The following RNF138 variants were observed in gnomAD, a reference collection of about 807,000 sequenced individuals.
The protein encoded by RNF138 is ring finger protein 138.
In RNF138, 12 loss-of-function variants were observed where a neutral mutation model predicts 31.0. The observed-to-expected ratio is 0.39, with a 90% CI of 0.25 to 0.63. RNF138 has a LOEUF of 0.63. Among genes scored for constraint, RNF138 ranks in the 20% least tolerant of loss-of-function variants. The pLI is 0.52. For synonymous variants in RNF138, 105 were observed against 99.5 expected (o/e 1.06, Z -0.33); for missense variants, 192 against 300.1 (o/e 0.64, Z 2.66).
At chr18:32,113,711 T>C (rs768392287) in intron 3 of RNF138, 34 bp from the exon 4 acceptor site, 1 of 1,008,868 alleles carries the variant, frequency 9.9e-7, no homozygotes, top group Admixed American at 2.8e-5. Context: ...CGAGTTCTAT[T>C]TTAAATTAAA....
At chr18:32,102,481 G>A (rs530731855) in intron 2 of RNF138, among the ~76,000 whole-genome samples, 7 of 152,080 alleles carry the variant, frequency 4.6e-5, no homozygotes, top group Middle Eastern at 3.4e-3. Context: ...GATTACAGGC[G>A]TGAGCCACTG....
intron 2 of RNF138, among the ~76,000 whole-genome samples, chr18:32,106,943 GTC>G (rs1424857783): frequency 6.6e-6 from 1 of 151,922 alleles, no homozygotes; most frequent in African/African-American, 2.4e-5. Flanking sequence ...TCCTTCACTT[GTC>G]TCTATTCTGC....
chr18:32,124,642 TAAA>T (rs1376350023), intron 5 of RNF138, 89 bp from the exon 6 acceptor site: 1 of 681,744 alleles, frequency 1.5e-6, no homozygotes, highest in African/African-American at 1.8e-5. Flanking sequence ...ATAACTTTTT[TAAA>T]AAATGTATAG....
chr18:32,115,749 A>ACACACACACG (rs1328340059), intron 4 of RNF138, among the ~76,000 whole-genome samples: 4 of 151,978 alleles, frequency 2.6e-5, no homozygotes, highest in African/African-American at 9.7e-5. Flanking sequence ...CGTCTAAAAC[A>ACACACACACG]CACACACACG....
intron 6 of RNF138, among the ~76,000 whole-genome samples, chr18:32,125,627 A>C (rs1338744803): frequency 2.0e-5 from 3 of 152,170 alleles, no homozygotes; most frequent in Non-Finnish European, 4.4e-5. Flanking sequence ...ATGCTAGGAA[A>C]AGTTGTGAAA....
chr18:32,131,490 G>GTT lies in RNF138; in HGVS notation c.*2306_*2307dup, dbSNP rs2040478731. 3 of 152,086 alleles carry GTT rather than the reference G, an allele frequency of 2.0e-5. No individual in the cohort carries two copies. The highest frequency in any genetic ancestry group is 4.4e-5 in the Non-Finnish European group (3 of 67,968). The allele number at this position is 152,086 out of a possible 1,614,324, so 9.4% of individuals were successfully genotyped here. A position where few individuals can be genotyped will look rare whatever the true frequency, so the allele number is the denominator to read the frequency against. On this transcript the variant is annotated 3_prime_UTR_variant, in exon 8 of 8. Transcript: ENST00000261593. The stretch of plus-strand genomic sequence containing the variant: ...AGGAAAGCTATTTCAACAAATTACA[G>GTT]TTTTATTGTTAAAACAGAGTCTTAT...
At chr18:32,125,718 G>A (rs2040373127) in intron 6 of RNF138, among the ~76,000 whole-genome samples, 1 of 152,076 alleles carries the variant, frequency 6.6e-6, no homozygotes, top group Non-Finnish European at 1.5e-5. Flanking sequence ...GATTGCTTGA[G>A]CCCAGGAGTT....
Position 32,125,536 on chromosome 18 carries a change from A to G in RNF138, c.561+691A>G, listed in dbSNP as rs1253875865. 5.9e-5 allele frequency among the ~76,000 whole-genome samples: 9 copies of G among 152,324 alleles called. No individual in the cohort carries two copies. In the East Asian group the frequency reaches 1.7e-3, roughly 29 times the overall value. Reference sequence around the variant, plus strand: ...TTCAGCTGAACATTTTGATATATAAATAATTGTCTTCAGAAAGGAGAATAG... The same window carrying G: ...TTCAGCTGAACATTTTGATATATAAGTAATTGTCTTCAGAAAGGAGAATAG... On this transcript the variant is annotated intron_variant, in intron 6 of 7. Transcript: ENST00000261593.
At chr18:32,111,688 T>C in intron 2 of RNF138, 66 bp from the exon 3 acceptor site, 1 of 1,221,544 alleles carries the variant, frequency 8.2e-7, no homozygotes, top group Non-Finnish European at 1.2e-6. Flanking sequence ...CACTTGTTTG[T>C]ATTTAATTAT....
intron 2 of RNF138, 89 bp from the exon 3 acceptor site, chr18:32,111,665 A>T: frequency 9.8e-7 from 1 of 1,020,756 alleles, no homozygotes; most frequent in Non-Finnish European, 1.4e-6. Context: ...TAATATGAAT[A>T]CATATTTATA....
At chr18:32,127,354 T>C (rs1219806720) in intron 7 of RNF138, among the ~76,000 whole-genome samples, 2 of 152,244 alleles carry the variant, frequency 1.3e-5, no homozygotes, top group South Asian at 2.1e-4. Flanking sequence ...ATGTGTGATA[T>C]ACTTTTTTAA....
rs1388952366 is a variant in RNF138, at chr18:32,092,762, TC to T, written c.-11del. On this transcript the variant is annotated 5_prime_UTR_variant, in exon 2 of 8. Coordinates refer to ENST00000261593, the MANE Select transcript of RNF138 (RefSeq NM_016271.5). The stretch of plus-strand genomic sequence containing the variant: ...CTGCCGCTGTCGCCATCGCCTTGTT[TC>T]CCCATCCCCCGCCATGGCCGAGGAC... 3 of 1,528,904 alleles carry T rather than the reference TC, an allele frequency of 2.0e-6. No individual in the cohort carries two copies. The highest frequency in any genetic ancestry group is 4.8e-5 in the East Asian group (2 of 41,866). The allele number at this position is 1,528,904 out of a possible 1,614,324, so 94.7% of individuals were successfully genotyped here. A position where few individuals can be genotyped will look rare whatever the true frequency, so the allele number is the denominator to read the frequency against.
intron 2 of RNF138, among the ~76,000 whole-genome samples, chr18:32,099,119 A>C (rs1326767975): frequency 1.3e-5 from 2 of 152,118 alleles, no homozygotes; most frequent in Non-Finnish European, 2.9e-5. Context: ...AGCATCTGCT[A>C]GTTTAAAGTT....
intron 2 of RNF138, among the ~76,000 whole-genome samples, chr18:32,099,831 T>G (rs2039887617): frequency 6.6e-6 from 1 of 152,236 alleles, no homozygotes; most frequent in Admixed American, 6.5e-5. Flanking sequence ...CTCCTGTTAC[T>G]TACTTAAGCC....
intron 5 of RNF138, chr18:32,124,481 G>T (rs924886706): frequency 8.3e-6 from 3 of 359,398 alleles, no homozygotes; most frequent in African/African-American, 6.1e-5. Flanking sequence ...CTAGGTTTTT[G>T]TTTTTGTTTT....
chr18:32,097,597 C>T (rs1053401092), intron 2 of RNF138, among the ~76,000 whole-genome samples: 1 of 152,056 alleles, frequency 6.6e-6, no homozygotes, highest in Admixed American at 6.6e-5. Flanking sequence ...GATTCTCCTG[C>T]CTCGTCCTCC....
intron 4 of RNF138, among the ~76,000 whole-genome samples, chr18:32,115,032 G>T (rs1171199110): frequency 3.3e-5 from 5 of 151,722 alleles, no homozygotes; most frequent in Admixed American, 2.6e-4. Flanking sequence ...TAGTCCTTCT[G>T]GGTTTCTTCA....
At chr18:32,106,775 C>G (rs984656106) in intron 2 of RNF138, among the ~76,000 whole-genome samples, 15 of 152,006 alleles carry the variant, frequency 9.9e-5, no homozygotes, top group South Asian at 2.1e-4. Context: ...CGTGTTAGAG[C>G]CAGGATGATC....
At chr18:32,110,872 C>G (rs967483480) in intron 2 of RNF138, among the ~76,000 whole-genome samples, 1 of 152,146 alleles carries the variant, frequency 6.6e-6, no homozygotes, top group East Asian at 1.9e-4. Flanking sequence ...CCTCTGTCTC[C>G]TGGGTTCATG....
Sources: gnomAD v4.1 joint callset for allele counts (sites outside exome capture counted in the v4.1 genomes callset) on GRCh38, gnomAD v4.1.1 for gene constraint, MANE v1.5 for transcripts, NCBI Gene and HGNC (gene_info 2026-07-23, HGNC 2026-07-21) for gene names.